PRRC2C: variants seen among roughly 807,000 people sequenced by gnomAD.
PRRC2C encodes the protein proline rich coiled-coil 2C.
A neutral mutation model predicts 317.2 loss-of-function variants in PRRC2C; 72 were observed. The ratio of observed to expected loss-of-function variants is 0.23; its 90% CI spans 0.19 to 0.28. The LOEUF (loss-of-function observed/expected upper bound fraction) is 0.28, where lower values mean the gene tolerates loss of function less well. PRRC2C is among the 10% of genes least tolerant of loss of function. PRRC2C has a pLI of 1.00. For synonymous variants in PRRC2C, 1,296 were observed against 1,205.9 expected, an observed-to-expected ratio of 1.07 and a Z score of -1.55; for missense variants, 3,074 against 3,459.7, an observed-to-expected ratio of 0.89 and a Z score of 2.80.
intron 12 of PRRC2C, among the ~76,000 whole-genome samples, chr1:171,534,495 A>G (rs1261684677): frequency 6.6e-6 from 1 of 152,046 alleles, no homozygotes; most frequent in Non-Finnish European, 1.5e-5. Context: ...TTCTGATACT[A>G]GACACATACA....
chr1:171,583,277 C>G (rs900399126), intron 28 of PRRC2C, among the ~76,000 whole-genome samples: 1 of 152,044 alleles, frequency 6.6e-6, no homozygotes, highest in Admixed American at 6.6e-5. Context: ...CTGGCCTTTT[C>G]TTTTGTAACG....
At chr1:171,588,587 T>A in intron 33 of PRRC2C, 82 bp downstream of exon 33, 1 of 1,420,080 alleles carries the variant, frequency 7.0e-7, no homozygotes, top group Non-Finnish European at 9.6e-7. Context: ...TGCCTTATGT[T>A]AACCAGTTAA....
At chr1:171,590,809 T>C (rs2102908172) in intron 34 of PRRC2C, among the ~76,000 whole-genome samples, 2 of 152,346 alleles carry the variant, frequency 1.3e-5, no homozygotes, top group Admixed American at 1.3e-4. Context: ...TCCTTGGCTC[T>C]TGATTTTCGC....
At chr1:171,512,319 G>T (rs1381271644) in intron 2 of PRRC2C, 119 bp downstream of exon 2, 7 of 719,226 alleles carry the variant, frequency 9.7e-6, no homozygotes, top group South Asian at 9.0e-5. Context: ...ATTTACATTT[G>T]CGTTTTTATG....
chr1:171,528,460 TTG>T (rs1158296220), intron 11 of PRRC2C, among the ~76,000 whole-genome samples: 3 of 151,736 alleles, frequency 2.0e-5, no homozygotes, highest in Admixed American at 6.6e-5. Context: ...GGCTAATTTT[TTG>T]TGTTTTTTTT....
chr1:171,545,761 A>C (rs1406678351), intron 17 of PRRC2C, 74 bp downstream of exon 17: 8 of 957,818 alleles, frequency 8.4e-6, no homozygotes, highest in African/African-American at 1.8e-5. Flanking sequence ...TACATTTTAA[A>C]ATGTAGATGC....
rs1224243489 is a variant in PRRC2C at position 171,556,875 on chromosome 1, C to T, written c.5128-365C>T. On this transcript the variant is annotated intron_variant, in intron 18 of 34. Coordinates refer to ENST00000647382, the MANE Select transcript of PRRC2C (RefSeq NM_001387844.1). The stretch of plus-strand genomic sequence containing the variant: ...GTTGTGCATCTACCCTATATCATAA[C>T]GTACCAGCCACACTGCCCAAATTAA... Among the ~76,000 whole-genome samples the T allele has an allele frequency of 5.9e-5, 9 of 152,300 alleles. No individual in the cohort carries two copies. In the East Asian group the frequency reaches 1.5e-3, roughly 26 times the overall value.
rs149664137 is a variant in PRRC2C, at chr1:171,516,276, T to C, written c.526+417T>C. Among the ~76,000 whole-genome samples, 338 of 152,314 alleles carry C rather than the reference T, an allele frequency of 2.2e-3. 1 individual carries two copies. The highest frequency in any genetic ancestry group is 7.9e-3 in the African/African-American group (327 of 41,576). On this transcript the variant is annotated intron_variant, in intron 5 of 34. Coordinates refer to ENST00000647382, the MANE Select transcript of PRRC2C (RefSeq NM_001387844.1). ...AATAATTTTGGATAATGAGGGATAGTTTATGTACATTACAAAGCAAAAACT... is the reference window on the plus strand; with the variant it reads ...AATAATTTTGGATAATGAGGGATAGCTTATGTACATTACAAAGCAAAAACT...
chr1:171,540,317 G>T lies in PRRC2C; in HGVS notation c.2851G>T (p.Val951Leu). ...RSEPSAGIPK[V>L]TSRCIDSKEP... is the part of the protein sequence containing the mutation. ...TGAACCATCTGCAGGCATTCCTAAA[G>T]TAACCAGCAGATGCATTGATTCAAA... The change falls in exon 16 of 35, where the codon GTA becomes TTA. Residue 951 changes from valine (V) to leucine (L), a missense_variant. By Grantham distance (32) the Val-to-Leu change is conservative. Around this residue, in one of 11 missense-constraint regions of PRRC2C, gnomAD observed 1,320 missense variants for 1,395.7 expected, o/e 0.95. Transcript: ENST00000647382. The T allele has an allele frequency of 6.2e-7, 1 of 1,613,692 alleles. No homozygotes were observed. Among genetic ancestry groups the T allele is most frequent in the Non-Finnish European group, 8.5e-7 (1 of 1,179,816 alleles).
rs1369881152 is a variant in PRRC2C, at chr1:171,540,793, G to A, written c.3327G>A (p.Leu1109=). The change falls in exon 16 of 35, where the codon CTG becomes CTA. Residue 1109 remains leucine, a synonymous_variant. Transcript: ENST00000647382. ...QKPSQDTEKP[L]EPVSTVQVEP... ...CATCTCAGGATACTGAGAAGCCTCT[G>A]GAACCTGTGAGTACTGTTCAGGTAG... 9.3e-6 allele frequency: 15 copies of A among 1,613,890 alleles called. No homozygotes were observed. Among genetic ancestry groups the A allele is most frequent in the Non-Finnish European group, 1.3e-5 (15 of 1,179,832 alleles).
intron 10 of PRRC2C, among the ~76,000 whole-genome samples, chr1:171,525,812 G>C (rs934443200): frequency 6.6e-6 from 1 of 152,162 alleles, no homozygotes; most frequent in Non-Finnish European, 1.5e-5. Flanking sequence ...GTTACAAGCA[G>C]TGGAAACACA....
intron 11 of PRRC2C, among the ~76,000 whole-genome samples, chr1:171,530,089 A>G (rs983710967): frequency 2.0e-5 from 3 of 152,192 alleles, no homozygotes; most frequent in Non-Finnish European, 4.4e-5. Flanking sequence ...CTTGGAGCTG[A>G]CAAAGTTTTC....
chr1:171,502,883 C>T (rs529534747), intron 1 of PRRC2C, among the ~76,000 whole-genome samples: 10 of 152,156 alleles, frequency 6.6e-5, no homozygotes, highest in Admixed American at 1.3e-4. Context: ...ACCACACACC[C>T]GGCTAGTTTT....
At chr1:171,490,449 A>G (rs1666919764) in intron 1 of PRRC2C, among the ~76,000 whole-genome samples, 2 of 152,198 alleles carry the variant, frequency 1.3e-5, no homozygotes, top group Non-Finnish European at 2.9e-5. Flanking sequence ...AGATTGATAA[A>G]ATAGGAAATG....
intron 23 of PRRC2C, among the ~76,000 whole-genome samples, chr1:171,568,698 T>C (rs1684143834): frequency 6.6e-6 from 1 of 152,206 alleles, no homozygotes; most frequent in Non-Finnish European, 1.5e-5. Flanking sequence ...ATAAAACCTT[T>C]TTATAATTCA....
chr1:171,561,728 T>C (rs1026625553), intron 20 of PRRC2C, among the ~76,000 whole-genome samples: 1 of 152,236 alleles, frequency 6.6e-6, no homozygotes, highest in Admixed American at 6.5e-5. Context: ...TTCTGGACTT[T>C]TCTCCCATGT....
intron 18 of PRRC2C, 90 bp downstream of exon 18, chr1:171,550,330 G>T: frequency 8.3e-7 from 1 of 1,204,126 alleles, no homozygotes; most frequent in Non-Finnish European, 1.1e-6. Flanking sequence ...TACTTGTCAA[G>T]GCTGTTTTCA....
At chr1:171,544,111 CT>C (rs1014313880) in intron 16 of PRRC2C, among the ~76,000 whole-genome samples, 511 of 146,944 alleles carry the variant, frequency 3.5e-3, no homozygotes, top group African/African-American at 0.01. Context: ...AACACATGAA[CT>C]TTTTTTTTTT....
rs1236663155 is a variant in PRRC2C at position 171,559,505 on chromosome 1, G to GTTTTTTTTTTTTTTT, written c.6031+1365_6031+1366insTTTTTTTTTTTTTTT. Reference sequence around the variant, plus strand: ...ATCTGTTTACAAAATGGCATACCAAGTTTGTTTTTTTTTTTTTTTTTTTTT... The same window carrying GTTTTTTTTTTTTTTT: ...ATCTGTTTACAAAATGGCATACCAAGTTTTTTTTTTTTTTTTTTGTTTTTTTTTTTTTTTTTTTTT... On this transcript the variant is annotated intron_variant, in intron 19 of 34. Transcript: ENST00000647382. Among the ~76,000 whole-genome samples, 13 of 95,124 alleles carry GTTTTTTTTTTTTTTT rather than the reference G, an allele frequency of 1.4e-4. 6 individuals carry two copies. The highest frequency in any genetic ancestry group is 2.0e-4 in the African/African-American group (5 of 24,866). The allele number at this position is 95,124 out of a possible 152,430, so 62.4% of individuals were successfully genotyped here. A position where few individuals can be genotyped will look rare whatever the true frequency, so the allele number is the denominator to read the frequency against.
Sources: allele counts gnomAD v4.1 joint callset (sites outside exome capture counted in the v4.1 genomes callset), GRCh38; gene constraint gnomAD v4.1.1; regional missense constraint gnomAD v4.1.1; transcripts MANE v1.5; gene names NCBI Gene and HGNC (gene_info 2026-07-23, HGNC 2026-07-21).